Variants in NXPH1 observed in about 807,000 individuals in gnomAD.
The protein encoded by NXPH1 is neurexophilin-1.
In NXPH1, 5 loss-of-function variants were observed where a neutral mutation model predicts 23.7. The observed-to-expected ratio is 0.21, with a 90% CI of 0.11 to 0.44. NXPH1 has a LOEUF of 0.44. Among genes scored for constraint, NXPH1 ranks in the 20% least tolerant of loss-of-function variants. NXPH1 has a pLI of 0.99. For synonymous variants in NXPH1, 144 were observed against 122.2 expected, an observed-to-expected ratio of 1.18 and a Z score of -1.18; for missense variants, 324 against 321.6, an observed-to-expected ratio of 1.01 and a Z score of -0.06.
At chr7:8,547,077 A>C (rs1818207431) in intron 2 of NXPH1, among the ~76,000 whole-genome samples, 1 of 151,370 alleles carries the variant, frequency 6.6e-6, no homozygotes, top group South Asian at 2.1e-4. Flanking sequence ...GTCTATATGG[A>C]AGTAACTGTA....
intron 2 of NXPH1, among the ~76,000 whole-genome samples, chr7:8,516,350 A>T (rs750690357): frequency 7.9e-5 from 12 of 152,132 alleles, no homozygotes; most frequent in Admixed American, 2.0e-4. Flanking sequence ...AAGGCAATAG[A>T]ATCATCAATC....
chr7:8,738,179 G>A lies in NXPH1; in HGVS notation c.55-12829G>A, dbSNP rs116470811. Among the ~76,000 whole-genome samples, 977 of 152,262 alleles carry A rather than the reference G, an allele frequency of 6.4e-3. 15 individuals carry two copies. Among genetic ancestry groups the A allele is most frequent in the African/African-American group, 0.023 (941 of 41,558 alleles). Reference sequence around the variant, plus strand: ...CTCCGTCCAGTTTTGTTCCCTTGCTGGTGAGGAGTTGTCATCATTTGGAGG... The same window carrying A: ...CTCCGTCCAGTTTTGTTCCCTTGCTAGTGAGGAGTTGTCATCATTTGGAGG... On this transcript the variant is annotated intron_variant, in intron 2 of 2. Coordinates refer to ENST00000405863, the MANE Select transcript of NXPH1 (RefSeq NM_152745.3).
intron 2 of NXPH1, among the ~76,000 whole-genome samples, chr7:8,710,763 C>T (rs953924709): frequency 8.8e-5 from 12 of 136,166 alleles, no homozygotes; most frequent in Non-Finnish European, 1.4e-4. Flanking sequence ...CCCGGGTTCA[C>T]GCCATTCTCC....
At chr7:8,719,100 A>T (rs1779924075) in intron 2 of NXPH1, among the ~76,000 whole-genome samples, 1 of 152,264 alleles carries the variant, frequency 6.6e-6, no homozygotes, top group African/African-American at 2.4e-5. Flanking sequence ...TGTTTTTGGC[A>T]TAGTAGAAAG....
chr7:8,636,835 A>G (rs2349499), intron 2 of NXPH1, among the ~76,000 whole-genome samples: 18 of 152,144 alleles, frequency 1.2e-4, no homozygotes, highest in Non-Finnish European at 2.6e-4. Flanking sequence ...TTACTTCCAA[A>G]TGAATATGAA....
intron 2 of NXPH1, among the ~76,000 whole-genome samples, chr7:8,473,030 G>A (rs964419391): frequency 1.3e-5 from 2 of 152,000 alleles, no homozygotes; most frequent in African/African-American, 4.8e-5. Context: ...GTTATGTGCT[G>A]CTCTCCAATT....
At chr7:8,477,869 G>A (rs1817003849) in intron 2 of NXPH1, among the ~76,000 whole-genome samples, 1 of 151,928 alleles carries the variant, frequency 6.6e-6, no homozygotes, top group Non-Finnish European at 1.5e-5. Context: ...GATTGTCCAG[G>A]GACTTTATTA....
chr7:8,611,482 A>G (rs1819619978), intron 2 of NXPH1, among the ~76,000 whole-genome samples: 1 of 152,164 alleles, frequency 6.6e-6, no homozygotes, highest in Non-Finnish European at 1.5e-5. Flanking sequence ...GAGACAGAGA[A>G]TCGTTTGGAT....
chr7:8,492,717 T>C (rs1817269597), intron 2 of NXPH1, among the ~76,000 whole-genome samples: 1 of 151,996 alleles, frequency 6.6e-6, no homozygotes. Context: ...GAAAGCACAA[T>C]AATGCTGATG....
chr7:8,612,771 T>C (rs1819648039), intron 2 of NXPH1, among the ~76,000 whole-genome samples: 1 of 152,100 alleles, frequency 6.6e-6, no homozygotes, highest in South Asian at 2.1e-4. Flanking sequence ...CCTTGCTTTG[T>C]AAATAAAGAG....
chr7:8,734,414 G>T (rs1402429898), intron 2 of NXPH1, among the ~76,000 whole-genome samples: 1 of 152,154 alleles, frequency 6.6e-6, no homozygotes, highest in Non-Finnish European at 1.5e-5. Flanking sequence ...TGCAAAGAAC[G>T]TCAATGGTAG....
At chr7:8,484,573 G>A (rs1034538867) in intron 2 of NXPH1, among the ~76,000 whole-genome samples, 1 of 152,130 alleles carries the variant, frequency 6.6e-6, no homozygotes, top group Non-Finnish European at 1.5e-5. Flanking sequence ...GTTTTAAACT[G>A]TATGCAACAT....
intron 2 of NXPH1, among the ~76,000 whole-genome samples, chr7:8,559,722 C>T (rs559829483): frequency 6.6e-6 from 1 of 151,670 alleles, no homozygotes; most frequent in South Asian, 2.1e-4. Flanking sequence ...GGTCCGTAAA[C>T]TTCACCTTAT....
intron 2 of NXPH1, among the ~76,000 whole-genome samples, chr7:8,736,444 T>A (rs1271682504): frequency 6.6e-6 from 1 of 152,240 alleles, no homozygotes; most frequent in Non-Finnish European, 1.5e-5. Flanking sequence ...CAGTTTTGAA[T>A]GAGTTTCTTA....
In NXPH1 at chr7:8,612,139, C is replaced by T. The variant is rs375425404; in HGVS notation, c.55-138869C>T. 9.6e-3 allele frequency among the ~76,000 whole-genome samples: 1,395 copies of T among 145,346 alleles called. 23 individuals carry two copies. Among genetic ancestry groups the T allele is most frequent in the African/African-American group, 0.034 (1,329 of 39,452 alleles). ...TGAGTTCTTTTTCTCTTTTTTTTCC[C>T]TTCCCCTTCTTTCCTTTCTCTTTCT... On this transcript the variant is annotated intron_variant, in intron 2 of 2. Coordinates refer to ENST00000405863, the MANE Select transcript of NXPH1 (RefSeq NM_152745.3).
intron 2 of NXPH1, among the ~76,000 whole-genome samples, chr7:8,456,215 A>G (rs890734175): frequency 6.6e-6 from 1 of 152,198 alleles, no homozygotes; most frequent in African/African-American, 2.4e-5. Context: ...GTTAAAGTCT[A>G]ATATGTTACT....
At chr7:8,648,003 G>A (rs1209739603) in intron 2 of NXPH1, among the ~76,000 whole-genome samples, 3 of 151,860 alleles carry the variant, frequency 2.0e-5, no homozygotes, top group Non-Finnish European at 4.4e-5. Flanking sequence ...CTCACTGTAT[G>A]CCTTTTTAAA....
At chr7:8,696,840 C>CAA (rs3059126) in intron 2 of NXPH1, among the ~76,000 whole-genome samples, 1,301 of 96,954 alleles carry the variant, frequency 0.013, 32 homozygotes, top group Middle Eastern at 0.046. Flanking sequence ...GACTCCCTCT[C>CAA]AAAAAAAAAA....
chr7:8,542,699 C>G (rs190355186), intron 2 of NXPH1, among the ~76,000 whole-genome samples: 177 of 151,594 alleles, frequency 1.2e-3, no homozygotes, highest in Middle Eastern at 6.8e-3. Context: ...ATTACTTATA[C>G]AACAATTCAA....
Sources: allele counts gnomAD v4.1 joint callset (sites outside exome capture counted in the v4.1 genomes callset), GRCh38; gene constraint gnomAD v4.1.1; transcripts MANE v1.5; gene names NCBI Gene and HGNC (gene_info 2026-07-23, HGNC 2026-07-21).